Variants in USP46 observed in about 807,000 individuals in gnomAD.
The protein encoded by USP46 is ubiquitin carboxyl-terminal hydrolase 46.
In USP46, 12 loss-of-function variants were observed where a neutral mutation model predicts 44.4. The observed-to-expected ratio is 0.27, with a 90% CI of 0.17 to 0.44. The LOEUF (loss-of-function observed/expected upper bound fraction) is 0.44. Among genes scored for constraint, USP46 ranks in the 20% least tolerant of loss-of-function variants. The probability of loss-of-function intolerance (pLI) is 1.00; values close to 1 mark genes in which losing one functional copy is unlikely to be tolerated. For synonymous variants in USP46, 155 were observed against 161.5 expected (o/e 0.96, Z 0.31); for missense variants, 248 against 444.8 (o/e 0.56, Z 3.98).
At chr4:52,650,385 AT>A (rs372362325) in intron 1 of USP46, among the ~76,000 whole-genome samples, 97 of 152,364 alleles carry the variant, frequency 6.4e-4, no homozygotes, top group African/African-American at 2.1e-3. Context: ...GTTGCAATCC[AT>A]TGCTTATGAA....
At chr4:52,623,019 A>C (rs1406881229) in intron 4 of USP46, among the ~76,000 whole-genome samples, 1 of 152,214 alleles carries the variant, frequency 6.6e-6, no homozygotes, top group Non-Finnish European at 1.5e-5. Context: ...TAGGAGAGTA[A>C]CATGGAGGAA....
intron 1 of USP46, among the ~76,000 whole-genome samples, chr4:52,638,407 T>C (rs1718202142): frequency 6.6e-6 from 1 of 152,098 alleles, no homozygotes; most frequent in South Asian, 2.1e-4. Context: ...CTGCTGCACC[T>C]GGATTTTAAG....
chr4:52,653,404 T>C (rs552065512), intron 1 of USP46, among the ~76,000 whole-genome samples: 4 of 149,996 alleles, frequency 2.7e-5, no homozygotes, highest in East Asian at 2.0e-4. Context: ...GCTCAGGAGA[T>C]TGAGGCAGGA....
intron 1 of USP46, among the ~76,000 whole-genome samples, chr4:52,631,486 T>C (rs1282174514): frequency 1.3e-5 from 2 of 152,228 alleles, no homozygotes; most frequent in Non-Finnish European, 2.9e-5. Context: ...GCAGCTTTTG[T>C]AATATTTGAT....
chr4:52,615,783 T>C (rs1717108942), intron 4 of USP46, among the ~76,000 whole-genome samples: 1 of 152,132 alleles, frequency 6.6e-6, no homozygotes, highest in Non-Finnish European at 1.5e-5. Context: ...TTTCTAAAAC[T>C]AGGTTACAGT....
intron 4 of USP46, among the ~76,000 whole-genome samples, chr4:52,619,524 T>G (rs1183800101): frequency 6.6e-6 from 1 of 152,230 alleles, no homozygotes; most frequent in Admixed American, 6.5e-5. Context: ...AAAGGCTGTC[T>G]GCCCTAGGCA....
chr4:52,646,737 G>A (rs1461436288), intron 1 of USP46, among the ~76,000 whole-genome samples: 2 of 152,146 alleles, frequency 1.3e-5, no homozygotes, highest in Non-Finnish European at 2.9e-5. Context: ...CAACAGCAAG[G>A]TATTTAAATA....
intron 5 of USP46, among the ~76,000 whole-genome samples, chr4:52,609,154 T>C (rs982671549): frequency 2.6e-5 from 4 of 152,174 alleles, no homozygotes; most frequent in Non-Finnish European, 1.5e-5. Flanking sequence ...CCATACAAAC[T>C]TAACAGCTTC....
intron 1 of USP46, among the ~76,000 whole-genome samples, chr4:52,645,150 G>A (rs569392673): frequency 4.0e-5 from 6 of 151,354 alleles, no homozygotes; most frequent in African/African-American, 1.5e-4. Flanking sequence ...GCTTGAACCC[G>A]GGAGGCAGAA....
intron 1 of USP46, among the ~76,000 whole-genome samples, chr4:52,655,576 T>G (rs934093176): frequency 2.6e-4 from 40 of 152,212 alleles, no homozygotes; most frequent in African/African-American, 9.4e-4. Context: ...AAACAAAAAC[T>G]TTCCATTTGC....
chr4:52,601,403 A>G (rs1398478579), intron 7 of USP46, among the ~76,000 whole-genome samples: 1 of 152,228 alleles, frequency 6.6e-6, no homozygotes, highest in Non-Finnish European at 1.5e-5. Context: ...CAAAAATAAC[A>G]AAGAATATTT....
rs1717807565 is a variant in USP46, at chr4:52,631,091, G to C, written c.90C>G (p.Ile30Met). Residue 30 changes from isoleucine (I) to methionine (M), a missense_variant, in exon 2 of 9, where the codon ATC becomes ATG. Around this residue, in one of 5 missense-constraint regions of USP46, gnomAD observed 54 missense variants for 135.0 expected, o/e 0.40. Transcript: ENST00000441222. The stretch of plus-strand genomic sequence containing the variant: ...TGACCAATCCGAAATAGTGTTCATT[G>C]ATTGGAAACTGCTCTGGACCAATGT... Reference protein sequence around the residue: ...EKDIGPEQFPINEHYFGLVNF... With the variant: ...EKDIGPEQFPMNEHYFGLVNF... 1 of 1,567,948 alleles carries C rather than the reference G, an allele frequency of 6.4e-7. No homozygotes were observed. The highest frequency in any genetic ancestry group is 1.3e-5 in the African/African-American group (1 of 74,306).
At chr4:52,656,798 G>A (rs143300302) in intron 1 of USP46, among the ~76,000 whole-genome samples, 61 of 151,886 alleles carry the variant, frequency 4.0e-4, no homozygotes, top group Middle Eastern at 3.4e-3. Flanking sequence ...TTGGCGCTTC[G>A]GGAGGCTGAG....
chr4:52,631,508 T>G (rs538074542), intron 1 of USP46, among the ~76,000 whole-genome samples: 2 of 152,266 alleles, frequency 1.3e-5, no homozygotes, highest in Non-Finnish European at 2.9e-5. Context: ...GCATACAGAA[T>G]CATATTACCA....
chr4:52,640,143 A>G (rs1031195051), intron 1 of USP46, among the ~76,000 whole-genome samples: 7 of 152,152 alleles, frequency 4.6e-5, no homozygotes, highest in African/African-American at 1.7e-4. Context: ...TAGCTAATTT[A>G]AAAAGTAAAG....
intron 7 of USP46, among the ~76,000 whole-genome samples, chr4:52,599,850 A>T (rs1488391881): frequency 6.6e-6 from 1 of 152,110 alleles, no homozygotes; most frequent in Non-Finnish European, 1.5e-5. Context: ...TCTGAGCTCC[A>T]GCCCATCTGG....
chr4:52,656,762 C>T (rs984125068), intron 1 of USP46, among the ~76,000 whole-genome samples: 2 of 151,522 alleles, frequency 1.3e-5, no homozygotes, highest in African/African-American at 4.9e-5. Context: ...CAGGACCTGC[C>T]GGGTATGGTG....
chr4:52,629,592 C>CT (rs1242612526), intron 2 of USP46: 2 of 456,232 alleles, frequency 4.4e-6, no homozygotes, highest in Non-Finnish European at 8.8e-6. Flanking sequence ...CAGGGCTTAG[C>CT]TTTCCTCCTT....
Position 52,631,022 on chromosome 4 carries a change from C to T in USP46, c.117+42G>A, listed in dbSNP as rs150445059. The T allele has an allele frequency of 2.6e-5, 40 of 1,513,142 alleles. No homozygotes were observed. The East Asian group carries it at 7.6e-4, about 29-fold the overall frequency. 93.7% of individuals were successfully genotyped at this position (1,513,142 alleles called of 1,614,324 possible). A position where few individuals can be genotyped will look rare whatever the true frequency, so the allele number is the denominator to read the frequency against. On this transcript the variant is annotated intron_variant, in intron 2 of 8. Transcript: ENST00000441222. ...ACTTAAAGTGGAGTTGCTTCATATA[C>T]CCTAAAACATTTGATGAAAATAATA...
Sources: gnomAD v4.1 joint callset for allele counts (sites outside exome capture counted in the v4.1 genomes callset) on GRCh38, gnomAD v4.1.1 for gene constraint, gnomAD v4.1.1 regional missense constraint, MANE v1.5 for transcripts, NCBI Gene and HGNC (gene_info 2026-07-23, HGNC 2026-07-21) for gene names.